The following SYT14 variants were observed in gnomAD, a reference collection of about 807,000 sequenced individuals.
The protein encoded by SYT14 is synaptotagmin-14.
SYT14 carries 32 observed loss-of-function variants against 74.2 expected under a neutral mutation model. The observed-to-expected ratio is 0.43, with a 90% CI of 0.33 to 0.58. SYT14 has a LOEUF of 0.58. SYT14 is among the 20% of genes least tolerant of loss of function. The pLI, the probability that SYT14 is intolerant of heterozygous loss-of-function variation, is 0.05. For synonymous variants in SYT14, 298 were observed against 337.7 expected, an observed-to-expected ratio of 0.88 and a Z score of 1.29; for missense variants, 791 against 981.8, an observed-to-expected ratio of 0.81 and a Z score of 2.60.
chr1:210,121,707 T>TG (rs2082469237), intron 7 of SYT14, among the ~76,000 whole-genome samples: 1 of 150,146 alleles, frequency 6.7e-6, no homozygotes, highest in Admixed American at 6.7e-5. Context: ...GGCAGGAGAA[T>TG]GGCGTGAACC....
exon 10 of SYT14, chr1:210,162,814 T>G: frequency 2.2e-6 from 1 of 451,688 alleles, no homozygotes; most frequent in South Asian, 1.6e-5. Flanking sequence ...ACACATGAAT[T>G]ATAAGAAAAA....
chr1:210,162,753 G>A (rs745625699), exon 10 of SYT14: 28 of 446,754 alleles, frequency 6.3e-5, no homozygotes, highest in African/African-American at 1.0e-4. Flanking sequence ...CAAAAAGACC[G>A]TGAACTTCTG....
chr1:210,122,777 T>C, intron 7 of SYT14, among the ~76,000 whole-genome samples: 1 of 152,212 alleles, frequency 6.6e-6, no homozygotes, highest in East Asian at 1.9e-4. Flanking sequence ...GGTCAGTGAA[T>C]AACTGTAAAC....
chr1:210,039,727 A>G (rs573830762), intron 5 of SYT14, among the ~76,000 whole-genome samples: 2 of 152,336 alleles, frequency 1.3e-5, no homozygotes, highest in East Asian at 3.9e-4. Context: ...AAGGATATGA[A>G]CAGACACTTC....
intron 7 of SYT14, among the ~76,000 whole-genome samples, chr1:210,138,124 T>C (rs1402591590): frequency 6.6e-6 from 1 of 152,206 alleles, no homozygotes; most frequent in Non-Finnish European, 1.5e-5. Flanking sequence ...AAAGACATAC[T>C]GAGGCTGGGT....
At chr1:210,159,240 A>G (rs2083327669) in intron 8 of SYT14, among the ~76,000 whole-genome samples, 181 bp from the exon 8 acceptor site, 1 of 152,168 alleles carries the variant, frequency 6.6e-6, no homozygotes, top group African/African-American at 2.4e-5. Context: ...TTCTCATCCC[A>G]TTAAATTTAC....
intron 7 of SYT14, among the ~76,000 whole-genome samples, chr1:210,148,149 A>G (rs2083079314): frequency 6.6e-6 from 1 of 152,208 alleles, no homozygotes; most frequent in Non-Finnish European, 1.5e-5. Context: ...AAAATTGGAA[A>G]TACTTACGCA....
intron 7 of SYT14, among the ~76,000 whole-genome samples, chr1:210,104,092 T>C (rs918149553): frequency 2.6e-5 from 4 of 152,218 alleles, no homozygotes; most frequent in African/African-American, 9.7e-5. Context: ...CAGATCATGT[T>C]TCCATGAAGT....
At chr1:210,034,251 A>G (rs1385481562) in intron 5 of SYT14, among the ~76,000 whole-genome samples, 1 of 151,784 alleles carries the variant, frequency 6.6e-6, no homozygotes, top group Non-Finnish European at 1.5e-5. Flanking sequence ...TTAAACACAC[A>G]GTGTCTGCCC....
intron 4 of SYT14, among the ~76,000 whole-genome samples, chr1:210,020,643 C>A (rs1190457034): frequency 6.6e-6 from 1 of 152,090 alleles, no homozygotes; most frequent in South Asian, 2.1e-4. Flanking sequence ...ACTGGCAATA[C>A]TTAGAACTTC....
At chr1:210,133,656 A>G (rs2082722054) in intron 7 of SYT14, among the ~76,000 whole-genome samples, 1 of 152,112 alleles carries the variant, frequency 6.6e-6, no homozygotes. Flanking sequence ...GAAAGATCAA[A>G]ACCTCTGTAC....
intron 7 of SYT14, among the ~76,000 whole-genome samples, chr1:210,149,833 T>G (rs2083123238): frequency 6.6e-6 from 1 of 152,102 alleles, no homozygotes; most frequent in Admixed American, 6.5e-5. Flanking sequence ...TACTTACAAT[T>G]GGAGCAACAG....
exon 10 of SYT14, chr1:210,169,264 G>T (rs1424829662): frequency 7.3e-6 from 1 of 136,264 alleles, no homozygotes. Context: ...AGTGTGGGGA[G>T]TGGGGAGGAG....
At chr1:209,975,314 G>A (rs1342435528) in intron 2 of SYT14, among the ~76,000 whole-genome samples, 2 of 152,136 alleles carry the variant, frequency 1.3e-5, no homozygotes, top group Admixed American at 6.5e-5. Context: ...TCCAGTTTTT[G>A]CCCATTCAGT....
At chr1:210,100,091 A>G in exon 7 of SYT14, 2 of 1,614,110 alleles carry the variant, frequency 1.2e-6, no homozygotes, top group Non-Finnish European at 1.7e-6. Context: ...GGCACACTGG[A>G]TGTGACTTTT....
chr1:209,987,413 T>C (rs898387931), intron 2 of SYT14, among the ~76,000 whole-genome samples: 2 of 152,190 alleles, frequency 1.3e-5, no homozygotes, highest in African/African-American at 2.4e-5. Flanking sequence ...CAGGAAGCTT[T>C]TACTAATAGT....
At chr1:210,132,220 C>T (rs1031897607) in intron 7 of SYT14, among the ~76,000 whole-genome samples, 1 of 152,068 alleles carries the variant, frequency 6.6e-6, no homozygotes, top group Non-Finnish European at 1.5e-5. Flanking sequence ...TTATTCTGCT[C>T]AGGATCTGAT....
intron 1 of SYT14, among the ~76,000 whole-genome samples, chr1:209,941,535 G>T (rs2078730132): frequency 6.6e-6 from 1 of 152,080 alleles, no homozygotes; most frequent in Non-Finnish European, 1.5e-5. Flanking sequence ...TGTTGTATTT[G>T]AAATTTCCTC....
chr1:210,117,249 GTTATTT>G (rs1424949759), intron 7 of SYT14, among the ~76,000 whole-genome samples: 1 of 151,938 alleles, frequency 6.6e-6, no homozygotes, highest in Non-Finnish European at 1.5e-5. Context: ...TGTTTATACT[GTTATTT>G]TTATTTTTAA....
Sources: allele counts gnomAD v4.1 joint callset (sites outside exome capture counted in the v4.1 genomes callset), GRCh38; gene constraint gnomAD v4.1.1; transcripts MANE v1.5; gene names NCBI Gene and HGNC (gene_info 2026-07-23, HGNC 2026-07-21).